PSMD14: variants seen among roughly 807,000 people sequenced by gnomAD.
PSMD14 encodes the protein ubiquitin C-terminal hydrolase PSMD14.
PSMD14 carries 7 observed loss-of-function variants against 41.2 expected under a neutral mutation model. The ratio of observed to expected loss-of-function variants is 0.17; its 90% CI spans 0.10 to 0.32. The LOEUF (loss-of-function observed/expected upper bound fraction) is 0.32, where lower values mean the gene tolerates loss of function less well. Ranked by LOEUF, PSMD14 falls within the 10% of genes least tolerant of loss-of-function variation. The pLI, the probability that PSMD14 is intolerant of heterozygous loss-of-function variation, is 1.00. For missense variants in PSMD14, 139 were observed against 375.6 expected (o/e 0.37, Z 5.21); for synonymous variants, 114 against 122.3 (o/e 0.93, Z 0.45).
In PSMD14 at chr2:161,346,265, T is replaced by C. The variant is rs1683040607; in HGVS notation, c.49-21213T>C. Among the ~76,000 whole-genome samples, 3 of 152,138 alleles carry C rather than the reference T, an allele frequency of 2.0e-5. No homozygotes were observed. In the South Asian group the frequency reaches 6.2e-4, roughly 32 times the overall value. ...ATTGTTTTTTCTTCTGGACAACTTA[T>C]TGACAGCCTAGAGATAAAGTTTTGT... On this transcript the variant is annotated intron_variant, in intron 3 of 11. Coordinates refer to ENST00000409682, the MANE Select transcript of PSMD14 (RefSeq NM_005805.6).
chr2:161,309,889 C>T (rs1309497841), intron 1 of PSMD14, among the ~76,000 whole-genome samples: 1 of 151,948 alleles, frequency 6.6e-6, no homozygotes, highest in East Asian at 1.9e-4. Context: ...GGTGCGGTGG[C>T]TCACACCTGT....
chr2:161,392,005 T>C (rs116791878), intron 9 of PSMD14, among the ~76,000 whole-genome samples: 291 of 152,304 alleles, frequency 1.9e-3, no homozygotes, highest in Non-Finnish European at 3.4e-3. Context: ...TCTGATCCCA[T>C]TTTATACCAG....
intron 10 of PSMD14, among the ~76,000 whole-genome samples, chr2:161,397,775 T>C (rs1392801129): frequency 2.6e-5 from 4 of 152,202 alleles, no homozygotes; most frequent in Non-Finnish European, 5.9e-5. Flanking sequence ...CTTTGAAAAG[T>C]ATGCCCTGAT....
chr2:161,406,329 C>T (rs1683947030), intron 10 of PSMD14, among the ~76,000 whole-genome samples: 1 of 152,124 alleles, frequency 6.6e-6, no homozygotes, highest in African/African-American at 2.4e-5. Flanking sequence ...CTGTTAAAAA[C>T]GTTTCTAGTG....
At chr2:161,312,277 G>A (rs1049391225) in intron 1 of PSMD14, among the ~76,000 whole-genome samples, 7 of 151,924 alleles carry the variant, frequency 4.6e-5, no homozygotes, top group African/African-American at 1.7e-4. Context: ...CTGAGTAGCT[G>A]GGATTATAAG....
intron 3 of PSMD14, among the ~76,000 whole-genome samples, chr2:161,364,868 C>G (rs1221534295): frequency 6.6e-6 from 1 of 152,094 alleles, no homozygotes; most frequent in African/African-American, 2.4e-5. Flanking sequence ...CTTTGGGAGA[C>G]TAAGGCGGGT....
At chr2:161,363,189 G>A (rs1343127652) in intron 3 of PSMD14, among the ~76,000 whole-genome samples, 2 of 152,200 alleles carry the variant, frequency 1.3e-5, no homozygotes, top group South Asian at 2.1e-4. Flanking sequence ...TATAATGCCT[G>A]ATGATCTGAG....
intron 7 of PSMD14, among the ~76,000 whole-genome samples, chr2:161,377,812 T>G (rs1574135606): frequency 6.6e-6 from 1 of 151,944 alleles, no homozygotes; most frequent in Admixed American, 6.6e-5. Context: ...TCTTGAATGC[T>G]TTTCTCTCTG....
intron 8 of PSMD14, among the ~76,000 whole-genome samples, chr2:161,389,911 T>TTTTTTC (rs1683689884): frequency 7.4e-6 from 1 of 134,948 alleles, no homozygotes; most frequent in African/African-American, 2.8e-5. Flanking sequence ...TTTTTTTTTT[T>TTTTTTC]TAGAGATGGG....
At chr2:161,338,060 A>G (rs1238175327) in intron 3 of PSMD14, among the ~76,000 whole-genome samples, 1 of 152,246 alleles carries the variant, frequency 6.6e-6, no homozygotes, top group East Asian at 1.9e-4. Flanking sequence ...ATCTAAAAAC[A>G]TTTTGTAAAA....
chr2:161,401,674 A>G (rs768492980), intron 10 of PSMD14, among the ~76,000 whole-genome samples: 1 of 152,204 alleles, frequency 6.6e-6, no homozygotes, highest in Non-Finnish European at 1.5e-5. Flanking sequence ...GATCTTTATT[A>G]TTCATCTCTA....
intron 3 of PSMD14, among the ~76,000 whole-genome samples, chr2:161,354,085 G>T (rs542989837): frequency 6.6e-6 from 1 of 152,274 alleles, no homozygotes; most frequent in Middle Eastern, 3.4e-3. Flanking sequence ...GTCTTTTGTG[G>T]AACAATTCTG....
At chr2:161,371,142 C>G in intron 6 of PSMD14, 30 bp from the exon 7 acceptor site, 1 of 1,605,940 alleles carries the variant, frequency 6.2e-7, no homozygotes, top group Non-Finnish European at 8.5e-7. Context: ...TTGTTCTGTT[C>G]TGAGCATCTG....
intron 3 of PSMD14, among the ~76,000 whole-genome samples, chr2:161,350,224 T>C (rs953814299): frequency 4.6e-5 from 7 of 152,228 alleles, no homozygotes; most frequent in Non-Finnish European, 1.5e-5. Flanking sequence ...ATGAAAATAC[T>C]GGATGCCCAG....
At chr2:161,328,345 A>C (rs529670732) in intron 3 of PSMD14, among the ~76,000 whole-genome samples, 1 of 152,304 alleles carries the variant, frequency 6.6e-6, no homozygotes, top group East Asian at 1.9e-4. Flanking sequence ...TGCATAATAG[A>C]CCTTACAAAC....
At chr2:161,332,373 A>G (rs1682806799) in intron 3 of PSMD14, among the ~76,000 whole-genome samples, 1 of 152,220 alleles carries the variant, frequency 6.6e-6, no homozygotes, top group Non-Finnish European at 1.5e-5. Flanking sequence ...AATTGCCAAA[A>G]TATGTTGTTT....
intron 1 of PSMD14, among the ~76,000 whole-genome samples, chr2:161,309,771 A>T (rs1689067453): frequency 6.6e-6 from 1 of 152,100 alleles, no homozygotes; most frequent in Admixed American, 6.5e-5. Flanking sequence ...TCAAGTGATG[A>T]TCTTTTATTG....
At chr2:161,331,491 C>G (rs1290725044) in intron 3 of PSMD14, among the ~76,000 whole-genome samples, 1 of 152,132 alleles carries the variant, frequency 6.6e-6, no homozygotes, top group East Asian at 1.9e-4. Context: ...AACTCCTGAC[C>G]TGGTGATCTG....
chr2:161,385,596 T>G (rs1188444634), intron 8 of PSMD14, 25 bp downstream of exon 8: 1 of 1,431,128 alleles, frequency 7.0e-7, no homozygotes, highest in Admixed American at 1.8e-5. Context: ...TGATAATGTG[T>G]TAAAACTCTT....
Sources: allele counts gnomAD v4.1 joint callset (sites outside exome capture counted in the v4.1 genomes callset), GRCh38; gene constraint gnomAD v4.1.1; transcripts MANE v1.5; gene names NCBI Gene and HGNC (gene_info 2026-07-23, HGNC 2026-07-21).